CCDC3: variants seen among roughly 807,000 people sequenced by gnomAD.
The protein encoded by CCDC3 is coiled-coil domain containing 3, also known as coiled-coil domain-containing protein 3.
In CCDC3, 24 loss-of-function variants were observed where a neutral mutation model predicts 21.4. That is an observed-to-expected ratio of 1.12 (90% CI 0.81 to 1.58). The LOEUF (loss-of-function observed/expected upper bound fraction) is 1.58, where lower values mean the gene tolerates loss of function less well. CCDC3 is among the 40% of genes most tolerant of loss of function. CCDC3 has a pLI of 0.00. For synonymous variants in CCDC3, 186 were observed against 166.0 expected (o/e 1.12, Z -0.93); for missense variants, 425 against 360.9 (o/e 1.18, Z -1.44).
intron 2 of CCDC3, among the ~76,000 whole-genome samples, chr10:12,938,645 T>C (rs1485624317): frequency 2.0e-5 from 3 of 152,200 alleles, no homozygotes; most frequent in Non-Finnish European, 4.4e-5. Context: ...ATGTGCAAAA[T>C]ACAGAACACT....
In CCDC3 at chr10:13,086,534, G is replaced by A. The variant is rs545544416; in HGVS notation, c.-503+11991C>T. Among the ~76,000 whole-genome samples the A allele has an allele frequency of 3.9e-5, 6 of 152,220 alleles. No individual in the cohort carries two copies. In the South Asian group the frequency reaches 8.3e-4, roughly 21 times the overall value. On this transcript the variant is annotated intron_variant, in intron 3 of 6. Coordinates refer to the CCDC3 transcript ENST00000378839. ...TGCAGTGGCACAATCTCAGCTCACC[G>A]CAACCTCCGCCTCCCGGTTCTCCTG...
At chr10:12,924,309 G>A (rs1388308426) in intron 2 of CCDC3, among the ~76,000 whole-genome samples, 1 of 152,170 alleles carries the variant, frequency 6.6e-6, no homozygotes, top group Non-Finnish European at 1.5e-5. Context: ...AGACATGGAG[G>A]GCATTGCACT....
At chr10:12,904,685 C>T (rs549497708) in intron 2 of CCDC3, among the ~76,000 whole-genome samples, 2 of 152,150 alleles carry the variant, frequency 1.3e-5, no homozygotes, top group Non-Finnish European at 2.9e-5. Context: ...CACCTGAAGT[C>T]TTCCTATAAG....
chr10:12,998,349 C>T lies in CCDC3; in HGVS notation c.538G>A (p.Glu180Lys). The T allele has an allele frequency of 6.2e-7, 1 of 1,614,040 alleles. No homozygotes were observed. Among genetic ancestry groups the T allele is most frequent in the Non-Finnish European group, 8.5e-7 (1 of 1,179,976 alleles). Reference sequence around the variant, plus strand: ...TAGCCAATTCTTACCCTACTGTCTTCCTGGATTTCCCAGTCACTGGAGAAA... The same window carrying T: ...TAGCCAATTCTTACCCTACTGTCTTTCTGGATTTCCCAGTCACTGGAGAAA... Reference protein sequence around the residue: ...ATFSSDWEIQEDSRLMCSSVQ... With the variant: ...ATFSSDWEIQKDSRLMCSSVQ... Residue 180 changes from glutamate to lysine, a missense_variant, in exon 2 of 3, where the codon GAA becomes AAA. Physicochemically the swap from Glu to Lys is moderately conservative, Grantham distance 56. Coordinates refer to ENST00000378825, the MANE Select transcript of CCDC3 (RefSeq NM_031455.4).
At chr10:13,057,568 G>GA (rs1427815528) in intron 4 of CCDC3, among the ~76,000 whole-genome samples, 13 of 151,586 alleles carry the variant, frequency 8.6e-5, no homozygotes, top group African/African-American at 3.2e-4. Flanking sequence ...GTCTTTATCT[G>GA]AAAAATCCTC....
intron 2 of CCDC3, among the ~76,000 whole-genome samples, chr10:12,918,153 C>T (rs1389605385): frequency 6.6e-6 from 1 of 152,174 alleles, no homozygotes; most frequent in Non-Finnish European, 1.5e-5. Flanking sequence ...AGGATTCTTA[C>T]ATATGCTAAG....
At chr10:13,053,526 A>C (rs1027000235) in intron 4 of CCDC3, among the ~76,000 whole-genome samples, 6 of 152,206 alleles carry the variant, frequency 3.9e-5, no homozygotes, top group African/African-American at 9.7e-5. Context: ...ACTGCACTCC[A>C]ACCTGGGCAA....
chr10:12,974,517 G>C (rs1355133583), intron 2 of CCDC3, among the ~76,000 whole-genome samples: 1 of 152,248 alleles, frequency 6.6e-6, no homozygotes, highest in African/African-American at 2.4e-5. Flanking sequence ...TTGTACGTGT[G>C]TCTGTTCTAT....
chr10:12,941,283 A>C (rs1157596895), intron 2 of CCDC3, among the ~76,000 whole-genome samples: 1 of 152,234 alleles, frequency 6.6e-6, no homozygotes, highest in Non-Finnish European at 1.5e-5. Context: ...GGGAGGCATA[A>C]GTAATCCACC....
chr10:13,040,649 C>G lies in CCDC3; in HGVS notation c.-2+9025G>C, dbSNP rs1300075075. Among the ~76,000 whole-genome samples, 6 of 151,248 alleles carry G rather than the reference C, an allele frequency of 4.0e-5. 1 individual carries two copies. The highest frequency in any genetic ancestry group is 1.5e-4 in the African/African-American group (6 of 41,018). On this transcript the variant is annotated intron_variant, in intron 5 of 6. Coordinates refer to the CCDC3 transcript ENST00000378839. Reference sequence around the variant, plus strand: ...AGGTTACAGTGAGCTGAAACTATGCCACTGCACTGTAGCCTGGGCAACAAG... The same window carrying G: ...AGGTTACAGTGAGCTGAAACTATGCGACTGCACTGTAGCCTGGGCAACAAG...
At chr10:12,932,496 A>G (rs1001150742) in intron 2 of CCDC3, among the ~76,000 whole-genome samples, 3 of 152,216 alleles carry the variant, frequency 2.0e-5, no homozygotes, top group African/African-American at 4.8e-5. Flanking sequence ...TAGGAAAGCA[A>G]TTGACTTTTG....
At chr10:12,952,680 C>G (rs759469755) in intron 2 of CCDC3, among the ~76,000 whole-genome samples, 1 of 152,134 alleles carries the variant, frequency 6.6e-6, no homozygotes, top group East Asian at 1.9e-4. Context: ...CTTGGTGACA[C>G]TGCAAATTCA....
intron 2 of CCDC3, among the ~76,000 whole-genome samples, chr10:12,968,198 C>CACATAA (rs931498250): frequency 2.2e-5 from 3 of 137,486 alleles, no homozygotes; most frequent in African/African-American, 9.2e-5. Flanking sequence ...CAAACACACA[C>CACATAA]ACATACACAC....
intron 2 of CCDC3, among the ~76,000 whole-genome samples, chr10:12,902,718 C>T (rs1004786033): frequency 9.2e-5 from 14 of 152,128 alleles, no homozygotes; most frequent in African/African-American, 3.1e-4. Context: ...TGAGTGATCA[C>T]GTGTTAAGAG....
intron 5 of CCDC3, among the ~76,000 whole-genome samples, chr10:13,007,078 A>G (rs1835932892): frequency 6.6e-6 from 1 of 152,174 alleles, no homozygotes; most frequent in Non-Finnish European, 1.5e-5. Flanking sequence ...TTTCGATGGC[A>G]TCATCCTGTA....
chr10:13,030,536 T>C (rs112871407), intron 5 of CCDC3, among the ~76,000 whole-genome samples: 3,670 of 152,000 alleles, frequency 0.024, 135 homozygotes, highest in African/African-American at 0.082. Flanking sequence ...AATTAAAAGA[T>C]ACAGACTGGC....
intron 2 of CCDC3, among the ~76,000 whole-genome samples, chr10:12,992,103 T>C (rs758553287): frequency 6.6e-6 from 1 of 151,844 alleles, no homozygotes; most frequent in Non-Finnish European, 1.5e-5. Context: ...AAAAACTCCA[T>C]TGAGGACCAA....
chr10:12,992,647 C>T (rs983978007), intron 2 of CCDC3, among the ~76,000 whole-genome samples: 2 of 151,688 alleles, frequency 1.3e-5, no homozygotes, highest in African/African-American at 4.8e-5. Flanking sequence ...TCTGGGGACT[C>T]GGTGGGAAGG....
intron 2 of CCDC3, among the ~76,000 whole-genome samples, chr10:12,969,649 G>A (rs1330627953): frequency 2.0e-5 from 3 of 149,442 alleles, no homozygotes; most frequent in Non-Finnish European, 4.5e-5. Flanking sequence ...AATATATATG[G>A]TAGGATATTA....
Sources: gnomAD v4.1 joint callset for allele counts (sites outside exome capture counted in the v4.1 genomes callset) on GRCh38, gnomAD v4.1.1 for gene constraint, MANE v1.5 for transcripts, NCBI Gene and HGNC (gene_info 2026-07-23, HGNC 2026-07-21) for gene names.